The following ZNF425 variants were observed in gnomAD, a reference collection of about 807,000 sequenced individuals.
The protein encoded by ZNF425 is zinc finger protein 425.
In ZNF425, 21 loss-of-function variants were observed where a neutral mutation model predicts 17.0. The ratio of observed to expected loss-of-function variants is 1.23; its 90% CI spans 0.88 to 1.78. The LOEUF (loss-of-function observed/expected upper bound fraction) is 1.78. Among genes scored for constraint, ZNF425 ranks in the 40% most tolerant of loss-of-function variants. The pLI is 0.00. For missense variants in ZNF425, 868 were observed against 967.3 expected, an observed-to-expected ratio of 0.90 and a Z score of 1.36; for synonymous variants, 433 against 384.1, an observed-to-expected ratio of 1.13 and a Z score of -1.49.
Position 149,126,297 on chromosome 7 carries a change from GC to G in ZNF425, c.-85del. ...CCAACTCCCAGGTACAGCCCTGCTG[GC>G]CCCCAAAGGCAGAGCCGGCCGGGCG... is the stretch of plus-strand genomic sequence containing the variant. On this transcript the variant is annotated 5_prime_UTR_variant, in exon 1 of 4. Transcript: ENST00000378061. 6.6e-7 allele frequency: 1 copy of G among 1,526,036 alleles called. No individual in the cohort carries two copies. Among genetic ancestry groups the G allele is most frequent in the Non-Finnish European group, 8.8e-7 (1 of 1,136,184 alleles). 94.5% of individuals were successfully genotyped at this position (1,526,036 alleles called of 1,614,324 possible).
chr7:149,117,052 G>A (rs1255520351), intron 2 of ZNF425, among the ~76,000 whole-genome samples: 1 of 152,026 alleles, frequency 6.6e-6, no homozygotes, highest in Non-Finnish European at 1.5e-5. Flanking sequence ...CACGAGGTCA[G>A]GAGTTCGAGA....
chr7:149,122,249 T>TA (rs1491286381), intron 1 of ZNF425, among the ~76,000 whole-genome samples: 1 of 151,974 alleles, frequency 6.6e-6, no homozygotes, highest in African/African-American at 2.4e-5. Flanking sequence ...GCCCATTTTC[T>TA]AATTGGATTT....
intron 2 of ZNF425, among the ~76,000 whole-genome samples, chr7:149,115,584 G>A (rs1826251769): frequency 6.6e-6 from 1 of 152,004 alleles, no homozygotes; most frequent in East Asian, 2.0e-4. Flanking sequence ...CAGCTACTCA[G>A]GAGGCTGAGG....
chr7:149,116,355 C>T (rs1272413287), intron 2 of ZNF425, among the ~76,000 whole-genome samples: 2 of 152,206 alleles, frequency 1.3e-5, no homozygotes, highest in Non-Finnish European at 2.9e-5. Flanking sequence ...AACCTTCCTC[C>T]TGTTAGTGAA....
chr7:149,103,638 C>T lies in ZNF425; in HGVS notation c.2233G>A (p.Ala745Thr). ...TAGAGGCTGGAGGGCTTCTCTTTGG[C>T]ATGCACTGCAATGTGGGTCTTGAGC... ...GALKTHIAVH[A>T]KEKPSSL Residue 745 changes from alanine to threonine, a missense_variant, in exon 4 of 4, where the codon GCC (alanine) becomes ACC (threonine). This residue lies in a region of ZNF425 where 437 missense variants were observed against 444.2 expected (regional missense o/e 0.98). Coordinates refer to ENST00000378061, the MANE Select transcript of ZNF425 (RefSeq NM_001001661.3). 1 of 1,609,500 alleles carries T rather than the reference C, an allele frequency of 6.2e-7. No homozygotes were observed. The highest frequency in any genetic ancestry group is 2.2e-5 in the East Asian group (1 of 44,866).
At chr7:149,106,337 TG>T (rs1563145307) in intron 3 of ZNF425, among the ~76,000 whole-genome samples, 1 of 151,822 alleles carries the variant, frequency 6.6e-6, no homozygotes, top group African/African-American at 2.4e-5. Flanking sequence ...TCTGCCTCCC[TG>T]GTTTAAGCAA....
In ZNF425 at chr7:149,104,968, C is replaced by G. The variant is rs1001201127; in HGVS notation, c.903G>C (p.Pro301=). 8.7e-6 allele frequency: 14 copies of G among 1,614,032 alleles called. No individual in the cohort carries two copies. The South Asian group carries it at 8.8e-5, about 10-fold the overall frequency. The change falls in exon 4 of 4, where the codon CCG becomes CCC. Residue 301 remains proline, a synonymous_variant. Transcript: ENST00000378061. This position sits in a 1 kb window ranked among gnomAD's most constrained non-coding sequence, Gnocchi z 4.3. The part of the protein sequence containing the change: ...KHLCLHRGER[P]FCCGECGRAF... Reference sequence around the variant, plus strand: ...CCCGGCCGCACTCCCCGCAGCAGAACGGCCGCTCCCCGCGGTGTAGACACA... The same window carrying G: ...CCCGGCCGCACTCCCCGCAGCAGAAGGGCCGCTCCCCGCGGTGTAGACACA...
rs771505439 is a variant in ZNF425, at chr7:149,104,508, T to G, written c.1363A>C (p.Asn455His). ...AGGCGCTGGTGGGCGCGCATGGCGT[T>G]CCTCCAGAAGAAGCCCCTGCTGCAC... is the stretch of plus-strand genomic sequence containing the variant. The part of the protein sequence containing the change: ...PECSRGFFWR[N>H]AMRAHQRLHS... The change falls in exon 4 of 4, where the codon AAC (asparagine) becomes CAC (histidine). Residue 455 changes from asparagine to histidine, a missense_variant. By Grantham distance (68) the Asn-to-His change is moderately conservative (BLOSUM62 1). This residue lies in a region of ZNF425 where 437 missense variants were observed against 444.2 expected (regional missense o/e 0.98). Coordinates refer to ENST00000378061, the MANE Select transcript of ZNF425 (RefSeq NM_001001661.3). The surrounding 1 kb of genome is among the most constrained non-coding windows in gnomAD (Gnocchi z 4.3). 3 of 1,598,284 alleles carry G rather than the reference T, an allele frequency of 1.9e-6. No individual in the cohort carries two copies. The highest frequency in any genetic ancestry group is 2.6e-6 in the Non-Finnish European group (3 of 1,173,456).
chr7:149,111,837 G>A (rs887133952), intron 3 of ZNF425, among the ~76,000 whole-genome samples: 3 of 151,496 alleles, frequency 2.0e-5, no homozygotes, highest in East Asian at 2.0e-4. Context: ...CTGCCACCAC[G>A]CCCAGCTAAT....
intron 1 of ZNF425, among the ~76,000 whole-genome samples, chr7:149,123,665 G>A (rs1826396787): frequency 1.3e-5 from 2 of 151,962 alleles, no homozygotes; most frequent in Admixed American, 6.6e-5. Flanking sequence ...CCGAGTAGTT[G>A]GGTTTACAGG....
At chr7:149,106,892 A>G (rs1321094515) in intron 3 of ZNF425, among the ~76,000 whole-genome samples, 5 of 151,972 alleles carry the variant, frequency 3.3e-5, no homozygotes, top group Non-Finnish European at 7.4e-5. Context: ...GCAGATCACG[A>G]GGTCAGGAGT....
At chr7:149,111,010 G>C (rs1826166244) in intron 3 of ZNF425, among the ~76,000 whole-genome samples, 1 of 151,732 alleles carries the variant, frequency 6.6e-6, no homozygotes, top group Non-Finnish European at 1.5e-5. Flanking sequence ...GGCCAGGCTG[G>C]TCTCGAACCC....
intron 3 of ZNF425, among the ~76,000 whole-genome samples, chr7:149,109,983 T>A (rs1000177579): frequency 2.6e-5 from 4 of 151,472 alleles, no homozygotes; most frequent in Admixed American, 6.6e-5. Context: ...CTCAACCAAT[T>A]CCCCTGCCTC....
Position 149,104,776 on chromosome 7 carries a change from C to T in ZNF425, c.1095G>A (p.Arg365=), listed in dbSNP as rs757441499. ...KRPFHCPECG[R]SFSRKAALKT... Reference sequence around the variant, plus strand: ...TCAGGGCAGCCTTCCGGGAGAAGCTCCGGCCACACTCGGGACAGTGGAAGG... The same window carrying T: ...TCAGGGCAGCCTTCCGGGAGAAGCTTCGGCCACACTCGGGACAGTGGAAGG... The change falls in exon 4 of 4, where the codon CGG becomes CGA. Residue 365 remains arginine (R), a synonymous_variant. Transcript: ENST00000378061. This position sits in a 1 kb window ranked among gnomAD's most constrained non-coding sequence, Gnocchi z 4.3. 2.4e-5 allele frequency: 38 copies of T among 1,613,328 alleles called. No homozygotes were observed. Among genetic ancestry groups the T allele is most frequent in the Non-Finnish European group, 3.0e-5 (35 of 1,179,842 alleles).
chr7:149,112,581 A>G (rs1826191356), intron 2 of ZNF425, among the ~76,000 whole-genome samples: 1 of 152,210 alleles, frequency 6.6e-6, no homozygotes, highest in South Asian at 2.1e-4. Context: ...TATAGTGAGT[A>G]GAGATCGCGC....
Position 149,103,664 on chromosome 7 carries a change from G to A in ZNF425, c.2207C>T (p.Ala736Val), listed in dbSNP as rs1253840387. Residue 736 changes from alanine to valine, a missense_variant, in exon 4 of 4, where the codon GCG (alanine) becomes GTG (valine). By Grantham distance (64) the Ala-to-Val change is moderately conservative. This residue lies in a region of ZNF425 where 437 missense variants were observed against 444.2 expected (regional missense o/e 0.98). Coordinates refer to ENST00000378061, the MANE Select transcript of ZNF425 (RefSeq NM_001001661.3). Reference sequence around the variant, plus strand: ...ATGCACTGCAATGTGGGTCTTGAGCGCCCCCACGTACGTGAAGCTCCTTCC... The same window carrying A: ...ATGCACTGCAATGTGGGTCTTGAGCACCCCCACGTACGTGAAGCTCCTTCC... ...ECGRSFTYVGALKTHIAVHAK... is the reference protein window; with the variant it reads ...ECGRSFTYVGVLKTHIAVHAK... The A allele has an allele frequency of 4.3e-6, 7 of 1,613,522 alleles. No homozygotes were observed. The African/African-American group carries it at 6.7e-5, about 15-fold the overall frequency.
At chr7:149,111,086 C>T (rs556857532) in intron 3 of ZNF425, among the ~76,000 whole-genome samples, 10 of 152,100 alleles carry the variant, frequency 6.6e-5, no homozygotes, top group South Asian at 2.1e-4. Flanking sequence ...TGAGCCATCA[C>T]GCCCGGCCAT....
chr7:149,105,744 G>A (rs866985357), intron 3 of ZNF425, among the ~76,000 whole-genome samples, 178 bp from the exon 4 acceptor site: 24 of 151,690 alleles, frequency 1.6e-4, no homozygotes, highest in South Asian at 8.3e-4. Context: ...TCCGCCTCCC[G>A]GGTTCACGCC....
intron 2 of ZNF425, 21 bp from the exon 3 acceptor site, chr7:149,112,316 G>A (rs1193066268): frequency 5.6e-6 from 9 of 1,606,640 alleles, no homozygotes; most frequent in Non-Finnish European, 7.7e-6. Context: ...AGTCCACACA[G>A]ACTTTGAGTT....
Sources: allele counts gnomAD v4.1 joint callset (sites outside exome capture counted in the v4.1 genomes callset), GRCh38; gene constraint gnomAD v4.1.1; regional missense constraint gnomAD v4.1.1; non-coding constraint Gnocchi (gnomAD v3.1); transcripts MANE v1.5; gene names NCBI Gene and HGNC (gene_info 2026-07-23, HGNC 2026-07-21).